Variants in CDYL2 observed in about 807,000 individuals in gnomAD.
CDYL2 encodes chromodomain Y-like protein 2.
A neutral mutation model predicts 49.4 loss-of-function variants in CDYL2; 23 were observed. That is an observed-to-expected ratio of 0.47 (90% CI 0.34 to 0.66). The LOEUF (loss-of-function observed/expected upper bound fraction) is 0.66. Among genes scored for constraint, CDYL2 ranks in the 30% least tolerant of loss-of-function variants. The pLI, the probability that CDYL2 is intolerant of heterozygous loss-of-function variation, is 0.01. For missense variants in CDYL2, 678 were observed against 656.4 expected (o/e 1.03, Z -0.36); for synonymous variants, 360 against 268.8 (o/e 1.34, Z -3.32).
chr16:80,800,570 G>C (rs1436443112), intron 1 of CDYL2, among the ~76,000 whole-genome samples: 2 of 151,254 alleles, frequency 1.3e-5, no homozygotes, highest in Non-Finnish European at 2.9e-5. Context: ...AAACCGAAAA[G>C]ATCCAAAAAA....
intron 1 of CDYL2, among the ~76,000 whole-genome samples, chr16:80,763,102 A>G (rs1352542421): frequency 6.6e-6 from 1 of 151,900 alleles, no homozygotes; most frequent in Non-Finnish European, 1.5e-5. Flanking sequence ...CAGGAGGTTG[A>G]GGCTGTAGTG....
chr16:80,611,154 G>A (rs1289104340), intron 5 of CDYL2, among the ~76,000 whole-genome samples: 3 of 152,200 alleles, frequency 2.0e-5, no homozygotes. Context: ...CTCTGAACAA[G>A]GTGGGACCTC....
At chr16:80,698,328 G>C (rs1904284345) in intron 1 of CDYL2, among the ~76,000 whole-genome samples, 1 of 152,100 alleles carries the variant, frequency 6.6e-6, no homozygotes, top group African/African-American at 2.4e-5. Flanking sequence ...ATAACCCGCA[G>C]AATAGGACAA....
In CDYL2 at chr16:80,766,120, G is replaced by A. The variant is rs115365862; in HGVS notation, c.24+38030C>T. Among the ~76,000 whole-genome samples the A allele has an allele frequency of 1.4e-3, 215 of 152,042 alleles. 2 individuals are homozygous for A. The highest frequency in any genetic ancestry group is 5.0e-3 in the African/African-American group (207 of 41,476). On this transcript the variant is annotated intron_variant, in intron 1 of 6. Transcript: ENST00000570137. ...CATGCAGTGACAGCTAATGGATAGA[G>A]GTGTTTTTTTTGAAGGAGAAGGGGA...
At chr16:80,730,198 C>T (rs1360541313) in intron 1 of CDYL2, among the ~76,000 whole-genome samples, 6 of 152,052 alleles carry the variant, frequency 3.9e-5, no homozygotes, top group Admixed American at 3.3e-4. Flanking sequence ...AATTGATAGA[C>T]CGCTAGCAAG....
At chr16:80,793,869 T>A (rs1052015918) in intron 1 of CDYL2, among the ~76,000 whole-genome samples, 1 of 152,228 alleles carries the variant, frequency 6.6e-6, no homozygotes, top group African/African-American at 2.4e-5. Context: ...AATTTTTTAA[T>A]GAGGCCCAAA....
intron 1 of CDYL2, among the ~76,000 whole-genome samples, chr16:80,803,934 G>GAGCGGGCGCGGGCGCCGCGGGAGGC (rs1345568252): frequency 3.5e-5 from 5 of 144,082 alleles, no homozygotes; most frequent in Non-Finnish European, 7.7e-5. Flanking sequence ...GAGAAAGAGG[G>GAGCGGGCGCGGGCGCCGCGGGAGGC]AGCGGGCGCG....
At chr16:80,639,801 C>T (rs901996569) in intron 2 of CDYL2, 3 of 450,098 alleles carry the variant, frequency 6.7e-6, no homozygotes, top group African/African-American at 6.0e-5. Context: ...CGTTTGTGCA[C>T]TGTGGAAAGG....
chr16:80,603,368 C>T lies in CDYL2; in HGVS notation c.*1020G>A, dbSNP rs1906181374. On this transcript the variant is annotated 3_prime_UTR_variant, in exon 7 of 7. Coordinates refer to ENST00000570137, the MANE Select transcript of CDYL2 (RefSeq NM_152342.4). ...TCAGGATCATTCAGGCTAAGAGGGC[C>T]CTTTAACTCCTTAAAGACAGCAGAG... 1 of 152,156 alleles carries T rather than the reference C, an allele frequency of 6.6e-6. No homozygotes were observed. The highest frequency in any genetic ancestry group is 2.4e-5 in the African/African-American group (1 of 41,412). The allele number at this position is 152,156 out of a possible 1,614,324, so 9.4% of individuals were successfully genotyped here.
chr16:80,715,020 A>G (rs1472762092), intron 1 of CDYL2, among the ~76,000 whole-genome samples: 1 of 152,154 alleles, frequency 6.6e-6, no homozygotes, highest in Admixed American at 6.5e-5. Context: ...GAGAAACATC[A>G]ACAGACACTG....
intron 2 of CDYL2, chr16:80,662,861 C>CACCA (rs1567560779): frequency 6.8e-6 from 3 of 443,086 alleles, no homozygotes; most frequent in Non-Finnish European, 4.5e-6. Flanking sequence ...GCTCCCTCCT[C>CACCA]ACCACCAGAT....
chr16:80,620,076 T>G (rs11863568), intron 4 of CDYL2, among the ~76,000 whole-genome samples: 1,542 of 152,280 alleles, frequency 0.01, 16 homozygotes, highest in Admixed American at 0.02. Flanking sequence ...ACCCGCCAGG[T>G]GAACACTGGG....
intron 2 of CDYL2, among the ~76,000 whole-genome samples, chr16:80,645,414 G>T (rs1908294898): frequency 6.6e-6 from 1 of 152,134 alleles, no homozygotes; most frequent in Non-Finnish European, 1.5e-5. Flanking sequence ...TCAGAGAAAT[G>T]CAAATCAAAA....
intron 2 of CDYL2, among the ~76,000 whole-genome samples, chr16:80,664,125 G>C (rs957524169): frequency 6.6e-6 from 1 of 151,944 alleles, no homozygotes; most frequent in East Asian, 1.9e-4. Context: ...ACCTTTTCTT[G>C]CAACTCCCCT....
intron 1 of CDYL2, among the ~76,000 whole-genome samples, chr16:80,771,669 G>A (rs561491001): frequency 8.2e-4 from 125 of 152,100 alleles, no homozygotes; most frequent in Non-Finnish European, 1.6e-3. Context: ...ATTGCAGTGA[G>A]CCAAGATCAC....
At chr16:80,676,746 G>A (rs1909758640) in intron 2 of CDYL2, among the ~76,000 whole-genome samples, 1 of 152,136 alleles carries the variant, frequency 6.6e-6, no homozygotes, top group African/African-American at 2.4e-5. Context: ...GTCTGGTTTG[G>A]AAATCCAGGT....
intron 2 of CDYL2, among the ~76,000 whole-genome samples, chr16:80,641,519 G>C (rs568080139): frequency 6.6e-6 from 1 of 151,954 alleles, no homozygotes; most frequent in Non-Finnish European, 1.5e-5. Context: ...GAAAGAAAAG[G>C]ATGTTAAGAA....
intron 1 of CDYL2, among the ~76,000 whole-genome samples, chr16:80,696,648 A>G (rs1303413214): frequency 1.3e-5 from 2 of 152,058 alleles, no homozygotes; most frequent in African/African-American, 4.8e-5. Flanking sequence ...TACCAAGATT[A>G]AACAGGAAAT....
intron 1 of CDYL2, among the ~76,000 whole-genome samples, chr16:80,707,650 GTCTT>G (rs1904452501): frequency 6.6e-6 from 1 of 152,120 alleles, no homozygotes; most frequent in Non-Finnish European, 1.5e-5. Context: ...CTTTGGTGGT[GTCTT>G]TCTGAGTGTT....
Sources: gnomAD v4.1 joint callset for allele counts (sites outside exome capture counted in the v4.1 genomes callset) on GRCh38, gnomAD v4.1.1 for gene constraint, MANE v1.5 for transcripts, NCBI Gene and HGNC (gene_info 2026-07-23, HGNC 2026-07-21) for gene names.